Variants in FYN observed in about 807,000 individuals in gnomAD.
The protein encoded by FYN is tyrosine-protein kinase Fyn.
A neutral mutation model predicts 70.2 loss-of-function variants in FYN; 10 were observed. The observed-to-expected ratio is 0.14, with a 90% confidence interval of 0.09 to 0.24. The LOEUF is 0.24. Ranked by LOEUF, FYN falls within the 10% of genes least tolerant of loss-of-function variation. The pLI, the probability that FYN is intolerant of heterozygous loss-of-function variation, is 1.00. For synonymous variants in FYN, 236 were observed against 248.6 expected, an observed-to-expected ratio of 0.95 and a Z score of 0.48; for missense variants, 319 against 673.1, an observed-to-expected ratio of 0.47 and a Z score of 5.82.
intron 2 of FYN, among the ~76,000 whole-genome samples, chr6:111,835,861 A>C (rs143570081): frequency 1.3e-3 from 196 of 152,296 alleles, no homozygotes; most frequent in African/African-American, 4.5e-3. Flanking sequence ...TAAAGAACAA[A>C]AGATTGATCA....
intron 12 of FYN, among the ~76,000 whole-genome samples, chr6:111,680,264 G>T (rs550656775): frequency 6.6e-6 from 1 of 152,244 alleles, no homozygotes. Flanking sequence ...TGCACTCGGT[G>T]CCAGGAGGAC....
At chr6:111,841,245 G>A (rs909490806) in intron 2 of FYN, among the ~76,000 whole-genome samples, 1 of 152,218 alleles carries the variant, frequency 6.6e-6, no homozygotes, top group Admixed American at 6.5e-5. Flanking sequence ...TCAGGTTAAA[G>A]AGGTGATTCT....
intron 1 of FYN, among the ~76,000 whole-genome samples, chr6:111,849,424 G>T (rs748397017): frequency 6.6e-6 from 1 of 152,140 alleles, no homozygotes. Context: ...CACTGTTTCC[G>T]AATGCCCACA....
chr6:111,751,465 AC>A (rs140739939), intron 3 of FYN, among the ~76,000 whole-genome samples: 2 of 150,454 alleles, frequency 1.3e-5, no homozygotes, highest in South Asian at 2.1e-4. Context: ...AACAACAAAA[AC>A]CCCCCAAAAC....
At chr6:111,807,878 G>C (rs1772200076) in intron 2 of FYN, among the ~76,000 whole-genome samples, 1 of 152,106 alleles carries the variant, frequency 6.6e-6, no homozygotes, top group Non-Finnish European at 1.5e-5. Flanking sequence ...GGGAGGCCGA[G>C]GTGGGCAAAT....
chr6:111,855,675 G>A (rs543041467), intron 1 of FYN, among the ~76,000 whole-genome samples: 5 of 152,252 alleles, frequency 3.3e-5, no homozygotes, highest in East Asian at 3.9e-4. Flanking sequence ...CAACCTGGGC[G>A]TGCCATAACG....
At position 111,812,604 on chromosome 6, in the gene FYN, C is replaced by CTT. The variant is rs369326017; in HGVS notation, c.-81-31971_-81-31970dup. 2.0e-3 allele frequency among the ~76,000 whole-genome samples: 203 copies of CTT among 101,292 alleles called. 7 individuals carry two copies. Among genetic ancestry groups the CTT allele is most frequent in the African/African-American group, 5.7e-3 (167 of 29,376 alleles). The allele number at this position is 101,292 out of a possible 152,430, so 66.5% of individuals were successfully genotyped here. A position where few individuals can be genotyped will look rare whatever the true frequency, so the allele number is the denominator to read the frequency against. The stretch of plus-strand genomic sequence containing the variant: ...GGAGGTAATTAAATCAGAAATTTTC[C>CTT]TTTTTTTTTTTTTTTTTTTTTTTTT... On this transcript the variant is annotated intron_variant, in intron 2 of 13. Transcript: ENST00000354650.
chr6:111,683,671 T>C (rs989167309), intron 12 of FYN, among the ~76,000 whole-genome samples: 2 of 151,758 alleles, frequency 1.3e-5, no homozygotes, highest in African/African-American at 4.8e-5. Flanking sequence ...AATTATTATA[T>C]CCAATATTTA....
At chr6:111,861,200 T>C (rs1218243934) in intron 1 of FYN, among the ~76,000 whole-genome samples, 1 of 152,204 alleles carries the variant, frequency 6.6e-6, no homozygotes, top group Non-Finnish European at 1.5e-5. Context: ...ATTTAATAAA[T>C]GCACAGTGTA....
intron 2 of FYN, among the ~76,000 whole-genome samples, chr6:111,822,895 G>A (rs191998574): frequency 1.3e-5 from 2 of 152,096 alleles, no homozygotes; most frequent in Admixed American, 6.5e-5. Flanking sequence ...CCAAGAAAGG[G>A]CTTGTCACAC....
Position 111,837,822 on chromosome 6 carries a change from T to G in FYN, c.-82+8767A>C, listed in dbSNP as rs566859441. The stretch of plus-strand genomic sequence containing the variant: ...CTTTCCACCACACGACGCTGCCTCA[T>G]GTTCCACCCTGAAACCATCTCACTT... On this transcript the variant is annotated intron_variant, in intron 2 of 13. Transcript: ENST00000354650. 7.9e-5 allele frequency among the ~76,000 whole-genome samples: 12 copies of G among 152,356 alleles called. No individual in the cohort carries two copies. The East Asian group carries it at 2.3e-3, about 29-fold the overall frequency.
At chr6:111,710,311 C>A (rs549448559) in intron 5 of FYN, among the ~76,000 whole-genome samples, 2 of 152,346 alleles carry the variant, frequency 1.3e-5, no homozygotes, top group South Asian at 2.1e-4. Flanking sequence ...GAAGCCAATA[C>A]ATTTTGCTGC....
At chr6:111,731,612 C>T (rs570914921) in intron 3 of FYN, among the ~76,000 whole-genome samples, 81 of 152,314 alleles carry the variant, frequency 5.3e-4, no homozygotes, top group African/African-American at 1.9e-3. Flanking sequence ...GCATCCCCTG[C>T]CGTGGTGTAG....
chr6:111,740,230 G>C (rs1361852302), intron 3 of FYN, among the ~76,000 whole-genome samples: 1 of 152,154 alleles, frequency 6.6e-6, no homozygotes, highest in Non-Finnish European at 1.5e-5. Context: ...CCTACTCTTG[G>C]TCAAGGACTT....
At chr6:111,857,523 G>A (rs1379480367) in intron 1 of FYN, among the ~76,000 whole-genome samples, 2 of 152,176 alleles carry the variant, frequency 1.3e-5, no homozygotes. Context: ...TACTATAAGA[G>A]TATAGGTAAA....
chr6:111,682,185 TAATC>T (rs374546796), intron 12 of FYN, among the ~76,000 whole-genome samples: 70 of 152,350 alleles, frequency 4.6e-4, no homozygotes, highest in African/African-American at 1.3e-3. Context: ...TACACAGACT[TAATC>T]AAACTAAACG....
intron 3 of FYN, among the ~76,000 whole-genome samples, chr6:111,770,505 G>A (rs1446832371): frequency 2.0e-5 from 3 of 152,176 alleles, no homozygotes; most frequent in Non-Finnish European, 4.4e-5. Context: ...AAGCATTATG[G>A]TGACTGCTTG....
intron 5 of FYN, among the ~76,000 whole-genome samples, chr6:111,711,994 G>T (rs905511612): frequency 6.6e-6 from 1 of 152,174 alleles, no homozygotes; most frequent in African/African-American, 2.4e-5. Flanking sequence ...GAGGCTCAAA[G>T]GACTCCGTAA....
At chr6:111,752,347 G>T (rs1267087962) in intron 3 of FYN, among the ~76,000 whole-genome samples, 2 of 152,184 alleles carry the variant, frequency 1.3e-5, no homozygotes, top group Non-Finnish European at 2.9e-5. Context: ...CAGCCCACTG[G>T]AGCAGCTTTT....
Sources: gnomAD v4.1 joint callset for allele counts (sites outside exome capture counted in the v4.1 genomes callset) on GRCh38, gnomAD v4.1.1 for gene constraint, MANE v1.5 for transcripts, NCBI Gene and HGNC (gene_info 2026-07-23, HGNC 2026-07-21) for gene names.